Variants in TACC2 observed in about 807,000 individuals in gnomAD.
TACC2 encodes transforming acidic coiled-coil-containing protein 2.
Under a neutral mutation model 227.3 loss-of-function variants are expected in TACC2, and 137 were observed. That is an observed-to-expected ratio of 0.60 (90% CI 0.52 to 0.69). TACC2 has a LOEUF of 0.69. TACC2 is among the 30% of genes least tolerant of loss of function. The probability of loss-of-function intolerance (pLI) is 0.00; values close to 1 mark genes in which losing one functional copy is unlikely to be tolerated. For synonymous variants in TACC2, 1,523 were observed against 1,487.5 expected (o/e 1.02, Z -0.55); for missense variants, 3,470 against 3,694.4 (o/e 0.94, Z 1.57).
Position 122,224,750 on chromosome 10 carries a change from A to C in TACC2, c.7571A>C (p.Glu2524Ala), listed in dbSNP as rs1356739937. Residue 2524 changes from glutamate (E) to alanine (A), a missense_variant, in exon 12 of 23, where the codon GAA becomes GCA. Physicochemically the swap from Glu to Ala is moderately radical, Grantham distance 107 (BLOSUM62 -1). Transcript: ENST00000369005. ...GAGTTGGATTACAGAAACTCCTATG[A>C]AATTGAATATATGGAGAAAATTGGC... is the stretch of plus-strand genomic sequence containing the variant. ...TEELDYRNSY[E>A]IEYMEKIGSS... is the part of the protein sequence containing the mutation. 1 of 1,614,048 alleles carries C rather than the reference A, an allele frequency of 6.2e-7. No individual in the cohort carries two copies. The highest frequency in any genetic ancestry group is 8.5e-7 in the Non-Finnish European group (1 of 1,180,016).
At chr10:122,037,022 G>A (rs751828495) in intron 2 of TACC2, among the ~76,000 whole-genome samples, 10 of 152,026 alleles carry the variant, frequency 6.6e-5, no homozygotes, top group Non-Finnish European at 1.3e-4. Context: ...CATTGTGGTC[G>A]GGGCTATTTT....
At chr10:122,012,054 C>T (rs1193874272) in intron 1 of TACC2, among the ~76,000 whole-genome samples, 1 of 151,996 alleles carries the variant, frequency 6.6e-6, no homozygotes, top group East Asian at 2.0e-4. Flanking sequence ...TCTCCCGCTT[C>T]CGCCTCCCAA....
intron 5 of TACC2, among the ~76,000 whole-genome samples, chr10:122,113,705 G>C (rs1446805291): frequency 6.6e-6 from 1 of 152,382 alleles, no homozygotes; most frequent in South Asian, 2.1e-4. Context: ...GACGGCGCGT[G>C]GACTAGCCAT....
chr10:122,106,090 C>A (rs928920158), intron 5 of TACC2, among the ~76,000 whole-genome samples: 4 of 150,980 alleles, frequency 2.6e-5, no homozygotes, highest in Non-Finnish European at 4.4e-5. Context: ...TGGGTTCAAG[C>A]GATTCTCCTG....
At chr10:122,197,451 CCTT>C (rs1333542181) in intron 8 of TACC2, among the ~76,000 whole-genome samples, 2 of 152,214 alleles carry the variant, frequency 1.3e-5, no homozygotes, top group African/African-American at 4.8e-5. Context: ...TTGATCCTGT[CCTT>C]CTTCCTTCTG....
At chr10:122,168,348 A>G (rs1270035534) in intron 7 of TACC2, among the ~76,000 whole-genome samples, 2 of 152,164 alleles carry the variant, frequency 1.3e-5, no homozygotes, top group African/African-American at 2.4e-5. Context: ...GTTGGACACA[A>G]TAGAGTTTTT....
chr10:122,187,023 G>T (rs2094221777), intron 7 of TACC2, among the ~76,000 whole-genome samples: 1 of 152,182 alleles, frequency 6.6e-6, no homozygotes, highest in Non-Finnish European at 1.5e-5. Context: ...TGAGCCCAGG[G>T]TGTGGGGGCC....
chr10:121,996,931 A>G (rs1386268654), intron 1 of TACC2, among the ~76,000 whole-genome samples: 1 of 152,118 alleles, frequency 6.6e-6, no homozygotes, highest in Non-Finnish European at 1.5e-5. Flanking sequence ...AGACCAGGCT[A>G]GAACACCAAA....
intron 19 of TACC2, chr10:122,248,407 A>C: frequency 3.6e-6 from 2 of 553,928 alleles, no homozygotes; most frequent in South Asian, 4.4e-5. Context: ...GTAATGGCTC[A>C]TTTCTACCTC....
Position 122,210,316 on chromosome 10 carries a change from G to A in TACC2, c.5972-81G>A. On this transcript the variant is annotated intron_variant, in intron 8 of 22. Coordinates refer to ENST00000369005, the MANE Select transcript of TACC2 (RefSeq NM_206862.4). This position sits in a 1 kb window ranked among gnomAD's most constrained non-coding sequence, Gnocchi z 4.6. ...GTGGTTTGTCAACCCCTACGCTGGA[G>A]GGTGATGTTTTGGTACAAGAGGAGA... is the stretch of plus-strand genomic sequence containing the variant. 1 of 1,134,524 alleles carries A rather than the reference G, an allele frequency of 8.8e-7. No individual in the cohort carries two copies. Among genetic ancestry groups the A allele is most frequent in the Non-Finnish European group, 1.3e-6 (1 of 753,356 alleles). 70.3% of individuals were successfully genotyped at this position (1,134,524 alleles called of 1,614,324 possible).
Position 122,082,791 on chromosome 10 carries a change from C to T in TACC2, c.291C>T (p.Ser97=). ...ARGPEGSLLP[S]PPPSQEREHP... ...GGCCAGAAGGTTCTTTGCTGCCCAG[C>T]CCACCACCGTCCCAGGAGCGAGAGC... is the stretch of plus-strand genomic sequence containing the variant. Residue 97 remains serine, a synonymous_variant, in exon 4 of 23, where the codon AGC becomes AGT. Coordinates refer to ENST00000369005, the MANE Select transcript of TACC2 (RefSeq NM_206862.4). 1 of 1,613,820 alleles carries T rather than the reference C, an allele frequency of 6.2e-7. No individual in the cohort carries two copies. Among genetic ancestry groups the T allele is most frequent in the Non-Finnish European group, 8.5e-7 (1 of 1,180,000 alleles).
chr10:122,222,101 A>G (rs575787247), intron 11 of TACC2, among the ~76,000 whole-genome samples: 1 of 152,328 alleles, frequency 6.6e-6, no homozygotes, highest in South Asian at 2.1e-4. Flanking sequence ...CCTCCAGTTG[A>G]GAATATGATG....
chr10:122,107,875 TATATA>T (rs1334387899), intron 5 of TACC2, among the ~76,000 whole-genome samples: 2 of 88,214 alleles, frequency 2.3e-5, no homozygotes, highest in Admixed American at 1.4e-4. Context: ...TATATATATA[TATATA>T]TTTTTTTTTT....
Position 122,085,216 on chromosome 10 carries a change from C to T in TACC2, c.2716C>T (p.Pro906Ser), listed in dbSNP as rs768639717. ...ALGSELQSQL[P>S]KGTLSDTPTS... ...GGGATCAGAACTTCAAAGTCAGCTC[C>T]CCAAAGGCACCCTGTCTGATACTCC... The change falls in exon 4 of 23, where the codon CCC (proline) becomes TCC (serine). Residue 906 changes from proline to serine, a missense_variant. Pro to Ser is a moderately conservative substitution (Grantham distance 74). Coordinates refer to ENST00000369005, the MANE Select transcript of TACC2 (RefSeq NM_206862.4). 4 of 1,613,972 alleles carry T rather than the reference C, an allele frequency of 2.5e-6. No homozygotes were observed. The South Asian group carries it at 4.4e-5, about 18-fold the overall frequency.
chr10:122,240,132 G>A (rs143204717), intron 18 of TACC2, among the ~76,000 whole-genome samples: 2 of 152,188 alleles, frequency 1.3e-5, no homozygotes, highest in South Asian at 2.1e-4. Flanking sequence ...TAGGGTCATT[G>A]TGAGGGTAAA....
intron 11 of TACC2, among the ~76,000 whole-genome samples, chr10:122,223,873 T>C (rs1291444479): frequency 6.6e-6 from 1 of 152,304 alleles, no homozygotes; most frequent in Non-Finnish European, 1.5e-5. Flanking sequence ...AAAAGAGGTA[T>C]CTGGTAGCTC....
intron 3 of TACC2, among the ~76,000 whole-genome samples, chr10:122,063,299 A>G (rs1424734582): frequency 6.6e-6 from 1 of 152,206 alleles, no homozygotes. Context: ...TCTAAGATCA[A>G]TTCCCAGGCT....
At chr10:122,043,178 T>G (rs952210258) in intron 2 of TACC2, among the ~76,000 whole-genome samples, 10 of 152,220 alleles carry the variant, frequency 6.6e-5, no homozygotes, top group Non-Finnish European at 2.9e-5. Flanking sequence ...GTTTCTAAAA[T>G]ATTAAATACA....
At chr10:122,226,230 C>G in intron 12 of TACC2, 136 bp from the exon 13 acceptor site, 1 of 639,492 alleles carries the variant, frequency 1.6e-6, no homozygotes, top group East Asian at 2.8e-5. Context: ...CTCCTCTCTT[C>G]CTGGTGGCTC....
Sources: allele counts gnomAD v4.1 joint callset (sites outside exome capture counted in the v4.1 genomes callset), GRCh38; gene constraint gnomAD v4.1.1; non-coding constraint Gnocchi (gnomAD v3.1); transcripts MANE v1.5; gene names NCBI Gene and HGNC (gene_info 2026-07-23, HGNC 2026-07-21).